Variants in LSAMP observed in about 807,000 individuals in gnomAD.
The protein encoded by LSAMP is limbic system-associated membrane protein.
LSAMP carries 7 observed loss-of-function variants against 38.6 expected under a neutral mutation model. The observed-to-expected ratio is 0.18, with a 90% CI of 0.10 to 0.34. LSAMP has a LOEUF of 0.34. LSAMP is among the 10% of genes least tolerant of loss of function. LSAMP has a pLI of 1.00. For synonymous variants in LSAMP, 154 were observed against 166.8 expected, an observed-to-expected ratio of 0.92 and a Z score of 0.59; for missense variants, 313 against 420.0, an observed-to-expected ratio of 0.75 and a Z score of 2.23.
chr3:115,987,216 C>T (rs536980193), intron 3 of LSAMP, among the ~76,000 whole-genome samples: 1 of 152,280 alleles, frequency 6.6e-6, no homozygotes, highest in East Asian at 1.9e-4. Context: ...TTCTAAGCCT[C>T]CCCTGTGGTT....
intron 1 of LSAMP, among the ~76,000 whole-genome samples, chr3:116,198,678 G>A (rs1349838182): frequency 1.3e-5 from 2 of 151,214 alleles, no homozygotes; most frequent in Middle Eastern, 3.2e-3. Context: ...GGCTGAGGCA[G>A]GAGAATGACG....
At chr3:116,440,908 G>A (rs375808067) in intron 1 of LSAMP, among the ~76,000 whole-genome samples, 7 of 152,166 alleles carry the variant, frequency 4.6e-5, no homozygotes, top group East Asian at 3.8e-4. Context: ...ATCACATATC[G>A]TATCAAGAAT....
At chr3:116,396,353 G>T (rs771640852) in intron 1 of LSAMP, among the ~76,000 whole-genome samples, 2 of 152,112 alleles carry the variant, frequency 1.3e-5, no homozygotes, top group Non-Finnish European at 1.5e-5. Flanking sequence ...CTGGGCCTGG[G>T]ATTCGCCTCT....
At chr3:116,236,529 T>G (rs2046467592) in intron 1 of LSAMP, among the ~76,000 whole-genome samples, 2 of 152,144 alleles carry the variant, frequency 1.3e-5, no homozygotes, top group South Asian at 4.1e-4. Context: ...TGATTTCACT[T>G]CTGAAATACT....
At chr3:116,144,094 G>T (rs529491492) in intron 1 of LSAMP, among the ~76,000 whole-genome samples, 4 of 152,010 alleles carry the variant, frequency 2.6e-5, no homozygotes, top group South Asian at 2.1e-4. Context: ...GGAAGTCATT[G>T]CATTTTTATC....
At chr3:116,265,032 A>AAGTC (rs1203458336) in intron 1 of LSAMP, among the ~76,000 whole-genome samples, 2 of 152,094 alleles carry the variant, frequency 1.3e-5, no homozygotes, top group Non-Finnish European at 2.9e-5. Context: ...GCTCCTTCCT[A>AAGTC]AGTCACCTCA....
intron 3 of LSAMP, among the ~76,000 whole-genome samples, chr3:115,870,029 A>G (rs1485170678): frequency 6.6e-6 from 1 of 152,120 alleles, no homozygotes; most frequent in African/African-American, 2.4e-5. Context: ...TTTAAAGTTA[A>G]AAAATTAAAA....
At chr3:116,268,182 C>CCTAAA (rs912645274) in intron 1 of LSAMP, among the ~76,000 whole-genome samples, 8 of 149,822 alleles carry the variant, frequency 5.3e-5, no homozygotes, top group South Asian at 2.1e-4. Context: ...TTGTACTATT[C>CCTAAA]CTAAACTATT....
chr3:116,065,837 C>A (rs1407180222), intron 2 of LSAMP, among the ~76,000 whole-genome samples: 1 of 152,152 alleles, frequency 6.6e-6, no homozygotes, highest in Non-Finnish European at 1.5e-5. Flanking sequence ...TCCAACAGAC[C>A]TGAGCTCAAA....
intron 3 of LSAMP, among the ~76,000 whole-genome samples, chr3:115,946,626 A>G (rs1292772568): frequency 6.6e-6 from 1 of 152,222 alleles, no homozygotes; most frequent in Non-Finnish European, 1.5e-5. Context: ...TCTATTTACA[A>G]AATTTAATGC....
chr3:116,167,629 G>A (rs1373850423), intron 1 of LSAMP, among the ~76,000 whole-genome samples: 1 of 151,864 alleles, frequency 6.6e-6, no homozygotes, highest in Non-Finnish European at 1.5e-5. Context: ...TTGAATTCTT[G>A]TCATGGACCA....
intron 2 of LSAMP, among the ~76,000 whole-genome samples, chr3:116,050,566 C>T (rs1438955952): frequency 6.6e-6 from 1 of 151,392 alleles, no homozygotes; most frequent in Non-Finnish European, 1.5e-5. Context: ...GTCACATGGT[C>T]AAAAATGGGT....
At chr3:116,245,723 A>G (rs2046597018) in intron 1 of LSAMP, among the ~76,000 whole-genome samples, 1 of 152,210 alleles carries the variant, frequency 6.6e-6, no homozygotes, top group Non-Finnish European at 1.5e-5. Context: ...CACCTGAGAG[A>G]TTATAGCCAC....
chr3:116,174,964 A>G (rs1212049271), intron 1 of LSAMP, among the ~76,000 whole-genome samples: 1 of 152,024 alleles, frequency 6.6e-6, no homozygotes, highest in Non-Finnish European at 1.5e-5. Context: ...GCACTGGCTT[A>G]TGCCGACTTC....
chr3:116,036,541 G>A (rs1250945209), intron 2 of LSAMP, among the ~76,000 whole-genome samples: 1 of 152,100 alleles, frequency 6.6e-6, no homozygotes, highest in Non-Finnish European at 1.5e-5. Context: ...CGTTATCTGT[G>A]AGCCCACCCC....
intron 1 of LSAMP, among the ~76,000 whole-genome samples, chr3:116,428,972 T>G (rs770870137): frequency 2.6e-5 from 4 of 152,218 alleles, no homozygotes; most frequent in Non-Finnish European, 5.9e-5. Flanking sequence ...ATCTGTTAGT[T>G]CCTAAACTCT....
chr3:116,039,342 G>T (rs138997175), intron 2 of LSAMP, among the ~76,000 whole-genome samples: 1 of 152,226 alleles, frequency 6.6e-6, no homozygotes, highest in East Asian at 1.9e-4. Context: ...GGCAAAAAAT[G>T]CTTTGGGGAT....
intron 2 of LSAMP, among the ~76,000 whole-genome samples, chr3:116,080,309 T>G (rs1277404565): frequency 6.6e-6 from 1 of 152,240 alleles, no homozygotes; most frequent in Non-Finnish European, 1.5e-5. Flanking sequence ...ATTTTCATAC[T>G]GAGCCAACTC....
chr3:115,813,353 T>G (rs528299265), intron 6 of LSAMP, among the ~76,000 whole-genome samples: 1 of 152,270 alleles, frequency 6.6e-6, no homozygotes, highest in East Asian at 1.9e-4. Flanking sequence ...CTTACAGGTT[T>G]TTAGCCTGGG....
Sources: gnomAD v4.1 joint callset for allele counts (sites outside exome capture counted in the v4.1 genomes callset) on GRCh38, gnomAD v4.1.1 for gene constraint, MANE v1.5 for transcripts, NCBI Gene and HGNC (gene_info 2026-07-23, HGNC 2026-07-21) for gene names.